Variants in LY9 observed in about 807,000 individuals in gnomAD.
LY9 encodes lymphocyte antigen 9.
Under a neutral mutation model 64.6 loss-of-function variants are expected in LY9, and 59 were observed. That is an observed-to-expected ratio of 0.91 (90% CI 0.74 to 1.13). LY9 has a LOEUF of 1.13. LY9 is among the 50% of genes most tolerant of loss of function. The pLI is 0.00. For synonymous variants in LY9, 281 were observed against 308.5 expected (o/e 0.91, Z 0.93); for missense variants, 789 against 797.2 (o/e 0.99, Z 0.12).
At chr1:160,819,211 C>T (rs1557813440) in intron 6 of LY9, 110 bp from the exon 7 acceptor site, 12 of 849,600 alleles carry the variant, frequency 1.4e-5, no homozygotes, top group Admixed American at 1.8e-5. Flanking sequence ...AAGCCTTTTC[C>T]CTGTCTATGT....
intron 2 of LY9, chr1:160,811,677 C>T (rs1212927190): frequency 6.6e-6 from 1 of 152,194 alleles, no homozygotes; most frequent in Non-Finnish European, 1.5e-5. Flanking sequence ...CAAGTATGCC[C>T]TTTCCTCCAG....
At chr1:160,819,652 A>T (rs1470675765) in intron 7 of LY9, among the ~76,000 whole-genome samples, 1 of 151,556 alleles carries the variant, frequency 6.6e-6, no homozygotes, top group African/African-American at 2.4e-5. Flanking sequence ...TTATCTGGGC[A>T]TGGTGGTGCA....
At chr1:160,813,961 C>A (rs753217670) in intron 3 of LY9, 50 bp downstream of exon 3, 1 of 1,575,162 alleles carries the variant, frequency 6.3e-7, no homozygotes, top group Non-Finnish European at 8.6e-7. Context: ...ACAATATGAG[C>A]AGCTGTGGAG....
At chr1:160,801,429 T>C (rs1398597572) in intron 2 of LY9, among the ~76,000 whole-genome samples, 1 of 152,232 alleles carries the variant, frequency 6.6e-6, no homozygotes, top group African/African-American at 2.4e-5. Context: ...TTGAGTTATT[T>C]GAGTTCCTTG....
intron 4 of LY9, among the ~76,000 whole-genome samples, chr1:160,815,890 C>A (rs188999966): frequency 3.5e-4 from 53 of 152,312 alleles, no homozygotes; most frequent in African/African-American, 1.3e-3. Flanking sequence ...CTTGGCTTGG[C>A]AATTTGCATG....
chr1:160,823,812 C>T lies in LY9; in HGVS notation c.1830+16C>T. ...CAACTTACAGGTGAGCCCTTCTGATCAATACACCTTCCTCCTCCTCCCATG... is the reference window on the plus strand; with the variant it reads ...CAACTTACAGGTGAGCCCTTCTGATTAATACACCTTCCTCCTCCTCCCATG... On this transcript the variant is annotated intron_variant, in intron 8 of 9. Coordinates refer to ENST00000263285, the MANE Select transcript of LY9 (RefSeq NM_002348.4). 6.4e-7 allele frequency: 1 copy of T among 1,570,130 alleles called. No homozygotes were observed. Among genetic ancestry groups the T allele is most frequent in the Non-Finnish European group, 8.8e-7 (1 of 1,142,536 alleles).
chr1:160,807,554 A>G (rs1472323700), intron 2 of LY9, among the ~76,000 whole-genome samples: 1 of 152,126 alleles, frequency 6.6e-6, no homozygotes, highest in East Asian at 1.9e-4. Context: ...TTGCTCAGAT[A>G]CCGATAATGG....
At chr1:160,827,697 C>T in intron 9 of LY9, 51 bp from the exon 10 acceptor site, 1 of 1,435,208 alleles carries the variant, frequency 7.0e-7, no homozygotes, top group Admixed American at 1.9e-5. Context: ...ATCAGCCTCA[C>T]TCTTCCAAGG....
At chr1:160,805,394 T>A (rs1283649944) in intron 2 of LY9, among the ~76,000 whole-genome samples, 2 of 152,142 alleles carry the variant, frequency 1.3e-5, no homozygotes, top group East Asian at 3.8e-4. Context: ...TTCCATGTAT[T>A]TGTATCATTT....
At chr1:160,802,826 C>CAATGGAACAGA (rs1349290067) in intron 2 of LY9, 2 of 256,056 alleles carry the variant, frequency 7.8e-6, no homozygotes, top group African/African-American at 4.6e-5. Flanking sequence ...TATTCTGTTC[C>CAATGGAACAGA]ATTGGTCTAT....
chr1:160,827,242 C>A (rs147920096), intron 9 of LY9, among the ~76,000 whole-genome samples: 59 of 152,288 alleles, frequency 3.9e-4, no homozygotes, highest in African/African-American at 1.4e-3. Context: ...TGGTACCCAA[C>A]CTCCCGCTCC....
chr1:160,796,438 G>C, intron 1 of LY9, 127 bp downstream of exon 1: 1 of 1,207,410 alleles, frequency 8.3e-7, no homozygotes. Context: ...CTGTTGCCAG[G>C]CTGGAGTGAA....
At chr1:160,802,486 G>T (rs569904854) in intron 2 of LY9, 1 of 985,652 alleles carries the variant, frequency 1.0e-6, no homozygotes, top group African/African-American at 1.7e-5. Context: ...TGCGGAGCTG[G>T]CCTCCAACCC....
chr1:160,797,401 A>T (rs1489265269), intron 1 of LY9: 1 of 445,750 alleles, frequency 2.2e-6, no homozygotes, highest in East Asian at 1.6e-4. Flanking sequence ...GTCCAGTCTG[A>T]CCTCTTTTCA....
intron 2 of LY9, among the ~76,000 whole-genome samples, chr1:160,804,867 T>G (rs1409846201): frequency 6.6e-6 from 1 of 152,200 alleles, no homozygotes; most frequent in Non-Finnish European, 1.5e-5. Flanking sequence ...CTTTTCAGTT[T>G]GTCAGAGTAT....
chr1:160,820,147 A>G (rs1217338625), intron 7 of LY9, among the ~76,000 whole-genome samples: 1 of 152,236 alleles, frequency 6.6e-6, no homozygotes, highest in African/African-American at 2.4e-5. Flanking sequence ...ACAGAGAAAC[A>G]AAGGCCAGAT....
At chr1:160,800,340 C>G (rs999650834) in intron 2 of LY9, 1 of 399,060 alleles carries the variant, frequency 2.5e-6, no homozygotes, top group Non-Finnish European at 4.5e-6. Flanking sequence ...ATCCCCCCAC[C>G]ACCCACTCCC....
intron 7 of LY9, among the ~76,000 whole-genome samples, chr1:160,823,055 G>A (rs1344381264): frequency 6.6e-6 from 1 of 151,976 alleles, no homozygotes; most frequent in East Asian, 1.9e-4. Flanking sequence ...TTCCTCATAC[G>A]TTCCATAGGA....
intron 1 of LY9, among the ~76,000 whole-genome samples, chr1:160,797,766 C>T (rs538806053): frequency 6.6e-6 from 1 of 152,144 alleles, no homozygotes; most frequent in East Asian, 1.9e-4. Flanking sequence ...ATCATTGCTC[C>T]ATCATTTATT....
Sources: gnomAD v4.1 joint callset for allele counts (sites outside exome capture counted in the v4.1 genomes callset) on GRCh38, gnomAD v4.1.1 for gene constraint, MANE v1.5 for transcripts, NCBI Gene and HGNC (gene_info 2026-07-23, HGNC 2026-07-21) for gene names.